MYL3: variants seen among roughly 807,000 people sequenced by gnomAD.
MYL3 encodes myosin light chain 3.
Under a neutral mutation model 21.3 loss-of-function variants are expected in MYL3, and 11 were observed. The observed-to-expected ratio is 0.52, with a 90% confidence interval of 0.32 to 0.85. MYL3 has a LOEUF of 0.85. MYL3 is among the 40% of genes least tolerant of loss of function. MYL3 has a pLI of 0.03. For missense variants in MYL3, 206 were observed against 253.3 expected (o/e 0.81, Z 1.27); for synonymous variants, 88 against 91.6 (o/e 0.96, Z 0.22).
At chr3:46,867,730 C>A (rs1315964916), upstream of MYL3, among the ~76,000 whole-genome samples, 2 of 152,220 alleles carry the variant, frequency 1.3e-5, no homozygotes, top group African/African-American at 2.4e-5. Context: ...CCGGAGGAGT[C>A]GAGAACACGG....
rs1463395 is a variant in MYL3, at chr3:46,859,905, C to T, written c.308-257G>A. Among the ~76,000 whole-genome samples the T allele has an allele frequency of 0.11, 17,403 of 152,184 alleles. 3,153 individuals carry two copies. Among genetic ancestry groups the T allele is most frequent in the African/African-American group, 0.38 (15,829 of 41,446 alleles). ...GGGAGTTTGCTGCCCTGAGCCACCACGGAGGGCTCTGTCCAGAACCCCTTG... is the reference window on the plus strand; with the variant it reads ...GGGAGTTTGCTGCCCTGAGCCACCATGGAGGGCTCTGTCCAGAACCCCTTG... On this transcript the variant is annotated intron_variant, in intron 3 of 6. Coordinates refer to ENST00000292327, the MANE Select transcript of MYL3 (RefSeq NM_000258.3). This position sits in a 1 kb window ranked among gnomAD's most constrained non-coding sequence, Gnocchi z 4.1.
chr3:46,867,931 T>A (rs560176876), upstream of MYL3, among the ~76,000 whole-genome samples: 1 of 152,308 alleles, frequency 6.6e-6, no homozygotes, highest in Admixed American at 6.5e-5. Flanking sequence ...GCGGGGCCCC[T>A]AGGTCCCTGT....
In MYL3 at chr3:46,861,553, C is replaced by T. The variant is rs3792557; in HGVS notation, c.130-566G>A. Among the ~76,000 whole-genome samples, 32,016 of 152,078 alleles carry T rather than the reference C, an allele frequency of 0.21. 5,840 individuals are homozygous for T. Among genetic ancestry groups the T allele is most frequent in the African/African-American group, 0.49 (20,407 of 41,404 alleles). On this transcript the variant is annotated intron_variant, in intron 1 of 6. Coordinates refer to ENST00000292327, the MANE Select transcript of MYL3 (RefSeq NM_000258.3). The surrounding 1 kb of genome is among the most constrained non-coding windows in gnomAD (Gnocchi z 4.2). ...CACAGAGCCCCCTAAGCCCTAAAGA[C>T]CAGGCAGTCACTCACCAGCCCCACT...
chr3:46,860,929 T>C lies in MYL3; in HGVS notation c.157+31A>G. 1 of 1,614,042 alleles carries C rather than the reference T, an allele frequency of 6.2e-7. No homozygotes were observed. The highest frequency in any genetic ancestry group is 8.5e-7 in the Non-Finnish European group (1 of 1,179,978). On this transcript the variant is annotated intron_variant, in intron 2 of 6. Coordinates refer to ENST00000292327, the MANE Select transcript of MYL3 (RefSeq NM_000258.3). The surrounding 1 kb of genome is among the most constrained non-coding windows in gnomAD (Gnocchi z 4.6). ...AGACCAGGGAACCCCAGCCCAATCC[T>C]GCAACCCCTGGGTTCAAGACCCCTG...
At position 46,860,709 on chromosome 3, in the gene MYL3, C is replaced by T. The variant is rs770961856; in HGVS notation, c.274G>A (p.Val92Met). ...CTTGGCTTCCCCAGGACACGGAGCA[C>T]TTCTGCCTGTGTGGGGTTCTGGCCC... Reference protein sequence around the residue: ...ALGQNPTQAEVLRVLGKPRQE... With the variant: ...ALGQNPTQAEMLRVLGKPRQE... The change falls in exon 3 of 7, where the codon GTG (valine) becomes ATG (methionine). Residue 92 changes from valine to methionine, a missense_variant. Physicochemically the swap from Val to Met is conservative, Grantham distance 21. Transcript: ENST00000292327. The surrounding 1 kb of genome is among the most constrained non-coding windows in gnomAD (Gnocchi z 4.6). 1 of 1,614,146 alleles carries T rather than the reference C, an allele frequency of 6.2e-7. No homozygotes were observed. Among genetic ancestry groups the T allele is most frequent in the Admixed American group, 1.7e-5 (1 of 60,028 alleles).
At position 46,861,745 on chromosome 3, in the gene MYL3, C is replaced by T. The variant is rs757166695; in HGVS notation, c.130-758G>A. 6.6e-6 allele frequency among the ~76,000 whole-genome samples: 1 copy of T among 152,162 alleles called. No homozygotes were observed. Among genetic ancestry groups the T allele is most frequent in the Non-Finnish European group, 1.5e-5 (1 of 68,028 alleles). On this transcript the variant is annotated intron_variant, in intron 1 of 6. Coordinates refer to ENST00000292327, the MANE Select transcript of MYL3 (RefSeq NM_000258.3). This position sits in a 1 kb window ranked among gnomAD's most constrained non-coding sequence, Gnocchi z 4.2. ...CCGGGATCCAGTGTCCCCCTCCTCA[C>T]CGGATACCAGGTCTATTTTTATCAC...
chr3:46,863,168 C>T, intron 1 of MYL3, 94 bp downstream of exon 1: 1 of 1,575,776 alleles, frequency 6.3e-7, no homozygotes, highest in Non-Finnish European at 8.7e-7. Context: ...GCTCAGTGCT[C>T]ACCTCCAGAG....
intron 1 of MYL3, among the ~76,000 whole-genome samples, chr3:46,875,275 A>C (rs2030147207): frequency 6.6e-6 from 1 of 152,152 alleles, no homozygotes; most frequent in Non-Finnish European, 1.5e-5. Context: ...ATCCCTCAGC[A>C]TCCAATCCCA....
chr3:46,868,928 G>A (rs1702076112), intron 1 of MYL3, among the ~76,000 whole-genome samples: 1 of 152,356 alleles, frequency 6.6e-6, no homozygotes, highest in East Asian at 1.9e-4. Context: ...AGGGTTTGTG[G>A]GAGCTCTGGA....
In MYL3 at chr3:46,859,676, G is replaced by T; in HGVS notation, c.308-28C>A. ...GCAGAGAAATGGTCCCAGGTTCCAG[G>T]GTCTAAGGCTGGGGTGGGCACACCC... is the stretch of plus-strand genomic sequence containing the variant. On this transcript the variant is annotated intron_variant, in intron 3 of 6. Coordinates refer to ENST00000292327, the MANE Select transcript of MYL3 (RefSeq NM_000258.3). This position sits in a 1 kb window ranked among gnomAD's most constrained non-coding sequence, Gnocchi z 4.1. 1.2e-6 allele frequency: 2 copies of T among 1,613,934 alleles called. No homozygotes were observed. The highest frequency in any genetic ancestry group is 1.7e-6 in the Non-Finnish European group (2 of 1,179,860).
chr3:46,880,740 A>G (rs2030500573), intron 1 of MYL3, among the ~76,000 whole-genome samples: 1 of 149,238 alleles, frequency 6.7e-6, no homozygotes, highest in South Asian at 2.1e-4. Flanking sequence ...GAAGAAGAAG[A>G]AGGAGAAGGA....
intron 1 of MYL3, among the ~76,000 whole-genome samples, chr3:46,881,733 G>A (rs1344645557): frequency 6.6e-6 from 1 of 152,040 alleles, no homozygotes; most frequent in African/African-American, 2.4e-5. Context: ...GGCTGGACGT[G>A]GGGGAGGGCG....
intron 1 of MYL3, among the ~76,000 whole-genome samples, chr3:46,870,679 G>A (rs1200761792): frequency 6.6e-6 from 1 of 152,104 alleles, no homozygotes; most frequent in Non-Finnish European, 1.5e-5. Context: ...CTCCCAGTGT[G>A]GCTATGTCTG....
At chr3:46,865,560 GACA>G (rs1195917137), upstream of MYL3, among the ~76,000 whole-genome samples, 3 of 152,310 alleles carry the variant, frequency 2.0e-5, no homozygotes, top group East Asian at 5.8e-4. This position sits in a 1 kb window ranked among gnomAD's most constrained non-coding sequence, Gnocchi z 4.3. Flanking sequence ...CAGAGCAGAG[GACA>G]TATACAGGGC....
intron 1 of MYL3, among the ~76,000 whole-genome samples, chr3:46,873,721 C>A (rs2030030003): frequency 2.0e-5 from 3 of 152,134 alleles, no homozygotes; most frequent in African/African-American, 4.8e-5. Context: ...GCCTCCACAG[C>A]CCCCACACCA....
chr3:46,863,315 G>T lies in MYL3; in HGVS notation c.76C>A (p.Pro26Thr). Residue 26 changes from proline (P) to threonine (T), a missense_variant, in exon 1 of 7, where the codon CCC becomes ACC. By Grantham distance (38) the Pro-to-Thr change is conservative (BLOSUM62 -1). Transcript: ENST00000292327. ...APKAAPAPAP[P>T]PEPERPKEVE... ...TCCTTAGGGCGCTCAGGCTCAGGGG[G>T]AGGTGCGGGAGCTGGAGCTGCCTTG... 6.2e-7 allele frequency: 1 copy of T among 1,614,086 alleles called. No individual in the cohort carries two copies. The highest frequency in any genetic ancestry group is 8.5e-7 in the Non-Finnish European group (1 of 1,180,036).
At chr3:46,875,707 C>T (rs1017543532) in intron 1 of MYL3, among the ~76,000 whole-genome samples, 1 of 152,230 alleles carries the variant, frequency 6.6e-6, no homozygotes, top group Non-Finnish European at 1.5e-5. Context: ...CTCCCACCCA[C>T]CATCCCACTT....
chr3:46,864,674 C>A (rs1250040106), upstream of MYL3, among the ~76,000 whole-genome samples: 1 of 152,190 alleles, frequency 6.6e-6, no homozygotes, highest in Non-Finnish European at 1.5e-5. This position sits in a 1 kb window ranked among gnomAD's most constrained non-coding sequence, Gnocchi z 4.7. Flanking sequence ...CTCTGAGGAA[C>A]CCCAAGCTGC....
intron 1 of MYL3, among the ~76,000 whole-genome samples, chr3:46,881,710 G>T (rs2030579176): frequency 6.6e-6 from 1 of 151,858 alleles, no homozygotes; most frequent in Non-Finnish European, 1.5e-5. Context: ...GGCAGGGGAC[G>T]AGGCGAGGGT....
Sources: allele counts gnomAD v4.1 joint callset (sites outside exome capture counted in the v4.1 genomes callset), GRCh38; gene constraint gnomAD v4.1.1; non-coding constraint Gnocchi (gnomAD v3.1); transcripts MANE v1.5; gene names NCBI Gene and HGNC (gene_info 2026-07-23, HGNC 2026-07-21).